Variants in CCDC178 observed in about 807,000 individuals in gnomAD.
CCDC178 encodes the protein coiled-coil domain containing 178.
Under a neutral mutation model 117.4 loss-of-function variants are expected in CCDC178, and 126 were observed. That is an observed-to-expected ratio of 1.07 (90% CI 0.93 to 1.24). The LOEUF is 1.24. CCDC178 is among the 50% of genes most tolerant of loss of function. The pLI is 0.00. For synonymous variants in CCDC178, 283 were observed against 313.4 expected (o/e 0.90, Z 1.02); for missense variants, 1,030 against 986.9 (o/e 1.04, Z -0.59).
intron 20 of CCDC178, among the ~76,000 whole-genome samples, chr18:33,145,113 ACAT>A (rs1410169474): frequency 6.6e-6 from 1 of 152,170 alleles, no homozygotes; most frequent in Non-Finnish European, 1.5e-5. Context: ...TAATTTCCAG[ACAT>A]CTAACCATTC....
intron 10 of CCDC178, among the ~76,000 whole-genome samples, chr18:33,329,876 A>AATGT (rs2062639722): frequency 7.6e-6 from 1 of 131,414 alleles, no homozygotes; most frequent in African/African-American, 3.0e-5. Context: ...GAATTATTAG[A>AATGT]GTGTGTGTGT....
At chr18:33,390,106 T>C (rs1029461388) in intron 4 of CCDC178, among the ~76,000 whole-genome samples, 11 of 150,432 alleles carry the variant, frequency 7.3e-5, no homozygotes, top group Non-Finnish European at 1.3e-4. Flanking sequence ...AAGTTATGTA[T>C]GATTTATAAT....
intron 20 of CCDC178, among the ~76,000 whole-genome samples, chr18:33,139,542 G>A (rs896375716): frequency 4.6e-5 from 7 of 152,164 alleles, no homozygotes; most frequent in Non-Finnish European, 7.3e-5. Context: ...GGTGACTCTT[G>A]CTATGTTTTA....
intron 17 of CCDC178, 141 bp from the exon 18 acceptor site, chr18:33,223,360 T>C: frequency 1.0e-6 from 1 of 1,004,050 alleles, no homozygotes; most frequent in Non-Finnish European, 1.3e-6. Context: ...CACACATAAA[T>C]TACAGAAATA....
chr18:33,276,512 A>G (rs1014673079), intron 12 of CCDC178, among the ~76,000 whole-genome samples: 1 of 152,172 alleles, frequency 6.6e-6, no homozygotes, highest in East Asian at 1.9e-4. Context: ...TAAAGAAACC[A>G]GTAGAGGGAA....
rs768725119 is a variant in CCDC178, at chr18:33,226,861, T to C, written c.1594-6A>G. 9 of 1,518,128 alleles carry C rather than the reference T, an allele frequency of 5.9e-6. No homozygotes were observed. Among genetic ancestry groups the C allele is most frequent in the Non-Finnish European group, 7.1e-6 (8 of 1,123,804 alleles). The allele number at this position is 1,518,128 out of a possible 1,614,324, so 94.0% of individuals were successfully genotyped here. A position where few individuals can be genotyped will look rare whatever the true frequency, so the allele number is the denominator to read the frequency against. On this transcript the variant is annotated splice_region_variant and splice_polypyrimidine_tract_variant and intron_variant, in intron 15 of 22. Coordinates refer to ENST00000383096, the MANE Select transcript of CCDC178 (RefSeq NM_001105528.4). ...TTCAGGAATTCTTCTCTACCCTATA[T>C]GTTAGGAAATTTTTAAAATGAGGAT...
chr18:33,073,923 T>C (rs1454380043), intron 21 of CCDC178, among the ~76,000 whole-genome samples: 2 of 152,040 alleles, frequency 1.3e-5, no homozygotes, highest in African/African-American at 4.8e-5. Context: ...AGTGATTAAA[T>C]GGTTAAGAAG....
At chr18:33,001,387 C>T (rs1236836892) in intron 21 of CCDC178, among the ~76,000 whole-genome samples, 1 of 149,350 alleles carries the variant, frequency 6.7e-6, no homozygotes, top group East Asian at 1.9e-4. Flanking sequence ...GTGGTGGGTG[C>T]CTGTAGTCGC....
At chr18:33,380,914 C>T (rs1348905138) in intron 5 of CCDC178, among the ~76,000 whole-genome samples, 2 of 152,154 alleles carry the variant, frequency 1.3e-5, no homozygotes, top group Non-Finnish European at 2.9e-5. Flanking sequence ...TTAAAGGGAC[C>T]AACTTCATTC....
chr18:33,321,230 T>A (rs2062504574), intron 11 of CCDC178, among the ~76,000 whole-genome samples: 1 of 152,092 alleles, frequency 6.6e-6, no homozygotes, highest in Non-Finnish European at 1.5e-5. Context: ...AAAGCCAAAA[T>A]TGACAAATGG....
intron 20 of CCDC178, among the ~76,000 whole-genome samples, chr18:33,101,020 T>G (rs1411765744): frequency 1.3e-5 from 2 of 151,934 alleles, no homozygotes; most frequent in East Asian, 1.9e-4. Context: ...TATGACATCT[T>G]AGAATAATCC....
At chr18:33,361,222 C>G (rs1383897101) in intron 6 of CCDC178, among the ~76,000 whole-genome samples, 1 of 151,536 alleles carries the variant, frequency 6.6e-6, no homozygotes. Context: ...ACAAAGGCAT[C>G]AAAAGGACAC....
At chr18:33,165,454 T>A (rs1380377621) in intron 20 of CCDC178, among the ~76,000 whole-genome samples, 1 of 152,180 alleles carries the variant, frequency 6.6e-6, no homozygotes, top group African/African-American at 2.4e-5. Context: ...CCATTGTATG[T>A]TGGGAACTTG....
intron 21 of CCDC178, among the ~76,000 whole-genome samples, chr18:33,011,174 C>T (rs914032659): frequency 3.3e-5 from 5 of 152,066 alleles, no homozygotes; most frequent in African/African-American, 1.2e-4. Context: ...TTGATTACTG[C>T]TTAATATAGA....
In CCDC178 at chr18:33,311,501, C is replaced by T. The variant is rs1459295580; in HGVS notation, c.1022+11990G>A. On this transcript the variant is annotated intron_variant, in intron 11 of 22. Coordinates refer to ENST00000383096, the MANE Select transcript of CCDC178 (RefSeq NM_001105528.4). ...TACCTATCAATAGAGAACCTCAGCT[C>T]CAGTGAGTGTCCCTCAGTCCCCTAA... 3.3e-5 allele frequency among the ~76,000 whole-genome samples: 5 copies of T among 152,238 alleles called. No individual in the cohort carries two copies. The South Asian group carries it at 1.0e-3, about 32-fold the overall frequency.
intron 21 of CCDC178, among the ~76,000 whole-genome samples, chr18:33,030,928 T>C (rs2056329871): frequency 1.3e-5 from 2 of 152,104 alleles, no homozygotes; most frequent in South Asian, 4.1e-4. Flanking sequence ...AGTCCAAGCC[T>C]GAAGGCCTCA....
At chr18:33,294,601 C>T (rs1056514294) in intron 11 of CCDC178, among the ~76,000 whole-genome samples, 2 of 152,082 alleles carry the variant, frequency 1.3e-5, no homozygotes, top group African/African-American at 2.4e-5. Flanking sequence ...ATTAAAGGAA[C>T]AAACAAATAG....
At chr18:32,978,540 T>A (rs988283842) in intron 21 of CCDC178, among the ~76,000 whole-genome samples, 1 of 152,164 alleles carries the variant, frequency 6.6e-6, no homozygotes, top group African/African-American at 2.4e-5. Context: ...TGGACCCAAC[T>A]TGAACTGATA....
chr18:33,057,049 A>G (rs921472329), intron 21 of CCDC178, among the ~76,000 whole-genome samples: 3 of 152,020 alleles, frequency 2.0e-5, no homozygotes, highest in African/African-American at 7.2e-5. Flanking sequence ...AAACTTTACA[A>G]TAACTAACTA....
Sources: gnomAD v4.1 joint callset for allele counts (sites outside exome capture counted in the v4.1 genomes callset) on GRCh38, gnomAD v4.1.1 for gene constraint, MANE v1.5 for transcripts, NCBI Gene and HGNC (gene_info 2026-07-23, HGNC 2026-07-21) for gene names.